The following MAD1L1 variants were observed in gnomAD, a reference collection of about 807,000 sequenced individuals.
The protein encoded by MAD1L1 is mitotic spindle assembly checkpoint protein MAD1.
A neutral mutation model predicts 96.9 loss-of-function variants in MAD1L1; 95 were observed. The ratio of observed to expected loss-of-function variants is 0.98; its 90% CI spans 0.83 to 1.16. MAD1L1 has a LOEUF of 1.16. Ranked by LOEUF, MAD1L1 falls within the 50% of genes most tolerant of loss-of-function variation. MAD1L1 has a pLI of 0.00. For synonymous variants in MAD1L1, 473 were observed against 396.6 expected, an observed-to-expected ratio of 1.19 and a Z score of -2.29; for missense variants, 1,007 against 954.4, an observed-to-expected ratio of 1.06 and a Z score of -0.73.
At chr7:2,097,777 CAG>C (rs1266305376) in intron 11 of MAD1L1, among the ~76,000 whole-genome samples, 2 of 152,198 alleles carry the variant, frequency 1.3e-5, no homozygotes, top group Non-Finnish European at 2.9e-5. Context: ...GGAAGGGAGA[CAG>C]TGAGGCCTTG....
At chr7:1,839,000 GA>G (rs1208801145) in intron 18 of MAD1L1, 1 of 367,154 alleles carries the variant, frequency 2.7e-6, no homozygotes, top group African/African-American at 2.1e-5. Context: ...AGGCAGCCAG[GA>G]ACTGCCTGCC....
At chr7:2,049,447 A>C (rs1005500189) in intron 12 of MAD1L1, among the ~76,000 whole-genome samples, 1 of 152,208 alleles carries the variant, frequency 6.6e-6, no homozygotes, top group Non-Finnish European at 1.5e-5. Context: ...CATGGGTGGC[A>C]AAAGGCTCGG....
chr7:1,917,681 C>T lies in MAD1L1; in HGVS notation c.1807+19006G>A, dbSNP rs557567578. On this transcript the variant is annotated intron_variant, in intron 17 of 18. Coordinates refer to ENST00000265854, the MANE Select transcript of MAD1L1 (RefSeq NM_001013836.2). ...GTCGCGGCGACGGAGCTGCTTGCCA[C>T]GGCTGGGGACCGTAGCAAGAGCAAG... 8.5e-5 allele frequency among the ~76,000 whole-genome samples: 13 copies of T among 152,352 alleles called. No homozygotes were observed. The East Asian group carries it at 1.9e-3, about 23-fold the overall frequency.
chr7:2,011,623 G>C (rs1584074502), intron 13 of MAD1L1, among the ~76,000 whole-genome samples: 1 of 152,178 alleles, frequency 6.6e-6, no homozygotes, highest in Non-Finnish European at 1.5e-5. Flanking sequence ...CCAGGCTCCT[G>C]GGAGGAAAGA....
intron 10 of MAD1L1, among the ~76,000 whole-genome samples, chr7:2,209,116 C>T (rs765516461): frequency 1.4e-4 from 21 of 152,276 alleles, no homozygotes; most frequent in East Asian, 5.8e-4. Flanking sequence ...TGCGTGAACC[C>T]GTGTGCTGCA....
At chr7:2,045,516 A>T (rs1034747346) in intron 12 of MAD1L1, among the ~76,000 whole-genome samples, 1 of 152,246 alleles carries the variant, frequency 6.6e-6, no homozygotes, top group South Asian at 2.1e-4. Flanking sequence ...TGTAACCAGC[A>T]ATATTTCTTT....
intron 3 of MAD1L1, among the ~76,000 whole-genome samples, chr7:2,228,344 C>T (rs189954297): frequency 3.3e-5 from 5 of 152,080 alleles, no homozygotes; most frequent in African/African-American, 4.8e-5. Flanking sequence ...CTGCAACCTC[C>T]GCCTCCCAGG....
chr7:1,823,205 CACTT>C (rs1233769337), intron 18 of MAD1L1, among the ~76,000 whole-genome samples: 3 of 152,058 alleles, frequency 2.0e-5, no homozygotes, highest in Non-Finnish European at 2.9e-5. Flanking sequence ...GAGCTGGACA[CACTT>C]AGTTAAAAAA....
At chr7:1,908,447 T>C (rs1163101282) in intron 17 of MAD1L1, among the ~76,000 whole-genome samples, 1 of 152,150 alleles carries the variant, frequency 6.6e-6, no homozygotes, top group East Asian at 1.9e-4. Flanking sequence ...AGTGGCGCGA[T>C]CGTGGCTCAC....
intron 12 of MAD1L1, among the ~76,000 whole-genome samples, chr7:2,066,972 C>A (rs766900901): frequency 2.2e-4 from 34 of 152,338 alleles, no homozygotes; most frequent in Non-Finnish European, 3.2e-4. Context: ...TGAGGCCGGG[C>A]GGGGCTGCCC....
intron 12 of MAD1L1, among the ~76,000 whole-genome samples, chr7:2,050,659 A>G (rs1423505865): frequency 6.8e-6 from 1 of 147,962 alleles, no homozygotes; most frequent in East Asian, 2.0e-4. Flanking sequence ...CAGGGAACTT[A>G]CAAGGCTCTT....
At chr7:1,824,989 G>C (rs1782316799) in intron 18 of MAD1L1, among the ~76,000 whole-genome samples, 1 of 135,356 alleles carries the variant, frequency 7.4e-6, no homozygotes, top group African/African-American at 2.7e-5. Flanking sequence ...CTCACAGAGT[G>C]CAAAAGGACT....
At chr7:1,851,140 C>T (rs1371713692) in intron 18 of MAD1L1, among the ~76,000 whole-genome samples, 1 of 152,230 alleles carries the variant, frequency 6.6e-6, no homozygotes, top group Non-Finnish European at 1.5e-5. Context: ...CCCTCCCAGC[C>T]CAACTGCTGA....
chr7:2,131,720 G>A (rs192240776), intron 11 of MAD1L1, among the ~76,000 whole-genome samples: 1 of 152,288 alleles, frequency 6.6e-6, no homozygotes, highest in East Asian at 1.9e-4. Flanking sequence ...CGCCTCCCCA[G>A]GGGTGCTCTG....
At chr7:1,912,091 A>G (rs190996365) in intron 17 of MAD1L1, among the ~76,000 whole-genome samples, 150 of 152,300 alleles carry the variant, frequency 9.8e-4, no homozygotes, top group African/African-American at 3.1e-3. Context: ...AGCTGTCGGG[A>G]TAGTTTCCTT....
intron 12 of MAD1L1, among the ~76,000 whole-genome samples, chr7:2,038,435 G>A (rs1444965875): frequency 3.3e-5 from 5 of 150,310 alleles, no homozygotes; most frequent in African/African-American, 1.2e-4. Flanking sequence ...AGGAGAAGTC[G>A]ATCCCTGCCT....
intron 17 of MAD1L1, among the ~76,000 whole-genome samples, chr7:1,904,914 A>G (rs1227626696): frequency 1.1e-5 from 1 of 92,766 alleles, no homozygotes; most frequent in East Asian, 3.5e-4. Context: ...GCAGTCGCCT[A>G]TGGAAGACGT....
At chr7:2,122,242 G>A (rs887805988) in intron 11 of MAD1L1, among the ~76,000 whole-genome samples, 6 of 152,202 alleles carry the variant, frequency 3.9e-5, no homozygotes, top group Admixed American at 6.5e-5. Context: ...GACTGCCCGC[G>A]TCAGACCTGT....
chr7:2,055,991 A>G (rs996554088), intron 12 of MAD1L1, among the ~76,000 whole-genome samples: 20 of 152,244 alleles, frequency 1.3e-4, no homozygotes, highest in African/African-American at 4.1e-4. Flanking sequence ...AAATAAATAA[A>G]TAAATAAATA....
Sources: gnomAD v4.1 joint callset for allele counts (sites outside exome capture counted in the v4.1 genomes callset) on GRCh38, gnomAD v4.1.1 for gene constraint, MANE v1.5 for transcripts, NCBI Gene and HGNC (gene_info 2026-07-23, HGNC 2026-07-21) for gene names.